The following BMPR2 variants were observed in gnomAD, a reference collection of about 807,000 sequenced individuals.
The protein encoded by BMPR2 is bone morphogenetic protein receptor type 2.
In BMPR2, 29 loss-of-function variants were observed where a neutral mutation model predicts 100.8. That is an observed-to-expected ratio of 0.29 (90% CI 0.21 to 0.39). The LOEUF is 0.39. Ranked by LOEUF, BMPR2 falls within the 10% of genes least tolerant of loss-of-function variation. The pLI, the probability that BMPR2 is intolerant of heterozygous loss-of-function variation, is 1.00. For missense variants in BMPR2, 1,011 were observed against 1,274.5 expected, an observed-to-expected ratio of 0.79 and a Z score of 3.15; for synonymous variants, 382 against 442.3, an observed-to-expected ratio of 0.86 and a Z score of 1.71.
At chr2:202,428,098 T>A (rs1043026890) in intron 1 of BMPR2, among the ~76,000 whole-genome samples, 5 of 152,180 alleles carry the variant, frequency 3.3e-5, no homozygotes, top group Non-Finnish European at 5.9e-5. Context: ...TGCAATTTCA[T>A]TTTTTTAATA....
chr2:202,413,124 A>G (rs184845469), intron 1 of BMPR2, among the ~76,000 whole-genome samples: 126 of 152,348 alleles, frequency 8.3e-4, no homozygotes, highest in African/African-American at 2.9e-3. Flanking sequence ...AAACAAGGCC[A>G]CATTCTGACT....
intron 1 of BMPR2, among the ~76,000 whole-genome samples, chr2:202,449,606 T>C (rs2105946437): frequency 6.6e-6 from 1 of 152,282 alleles, no homozygotes; most frequent in Admixed American, 6.5e-5. Flanking sequence ...AATAAAAACT[T>C]TGGACACTGA....
Position 202,484,984 on chromosome 2 carries a change from A to G in BMPR2, c.418+17295A>G, listed in dbSNP as rs574977836. On this transcript the variant is annotated intron_variant, in intron 3 of 12. Coordinates refer to ENST00000374580, the MANE Select transcript of BMPR2 (RefSeq NM_001204.7). ...ACTCCGTCTCAAAAAAAAAAAAAAA[A>G]AAAAGAAAGAAAGAAGAAAAAAAAT... Among the ~76,000 whole-genome samples, 903 of 150,198 alleles carry G rather than the reference A, an allele frequency of 6.0e-3. 13 individuals carry two copies. The highest frequency in any genetic ancestry group is 0.021 in the African/African-American group (840 of 40,878).
chr2:202,386,474 C>T (rs1646185118), intron 1 of BMPR2, among the ~76,000 whole-genome samples: 1 of 152,048 alleles, frequency 6.6e-6, no homozygotes, highest in South Asian at 2.1e-4. Context: ...CATTCTTATC[C>T]AATCTGATAG....
intron 3 of BMPR2, among the ~76,000 whole-genome samples, chr2:202,474,204 C>A (rs1043217415): frequency 1.3e-5 from 2 of 151,758 alleles, no homozygotes; most frequent in African/African-American, 4.8e-5. Context: ...ATCTATAATT[C>A]CAGCACTTTG....
intron 1 of BMPR2, 137 bp downstream of exon 1, chr2:202,377,687 G>A (rs1347938669): frequency 9.4e-6 from 9 of 956,480 alleles, no homozygotes; most frequent in Non-Finnish European, 1.4e-5. Context: ...GCGACCCGGT[G>A]CCTGCGCGCC....
At chr2:202,393,488 G>T (rs1690591858) in intron 1 of BMPR2, among the ~76,000 whole-genome samples, 1 of 152,014 alleles carries the variant, frequency 6.6e-6, no homozygotes. Context: ...GTAGGGACAG[G>T]TCTCGCCATG....
intron 3 of BMPR2, among the ~76,000 whole-genome samples, chr2:202,483,802 GT>G (rs888149915): frequency 6.8e-4 from 103 of 152,312 alleles, no homozygotes; most frequent in African/African-American, 2.4e-3. Context: ...TCAGGAATGT[GT>G]TCTTTTGACC....
intron 3 of BMPR2, chr2:202,469,474 T>G (rs1692392210): frequency 3.3e-6 from 1 of 307,574 alleles, no homozygotes. Flanking sequence ...AATTTTATTT[T>G]TATTTTATTT....
At chr2:202,418,773 A>G (rs1309832824) in intron 1 of BMPR2, among the ~76,000 whole-genome samples, 1 of 152,232 alleles carries the variant, frequency 6.6e-6, no homozygotes, top group Non-Finnish European at 1.5e-5. Flanking sequence ...AGCAGGCTTC[A>G]CAGAGAATAG....
intron 1 of BMPR2, among the ~76,000 whole-genome samples, chr2:202,384,125 T>G (rs1478203284): frequency 6.6e-6 from 1 of 152,152 alleles, no homozygotes. Context: ...TGAGCCAAGA[T>G]TGTGCCACTT....
chr2:202,400,411 A>G (rs1279892079), intron 1 of BMPR2, among the ~76,000 whole-genome samples: 1 of 151,948 alleles, frequency 6.6e-6, no homozygotes, highest in Non-Finnish European at 1.5e-5. Flanking sequence ...TTGGCCTCCA[A>G]AAGTTCTGGG....
intron 1 of BMPR2, among the ~76,000 whole-genome samples, chr2:202,421,736 TAAAAA>T (rs201785849): frequency 1.4e-5 from 2 of 141,750 alleles, no homozygotes; most frequent in African/African-American, 5.2e-5. Context: ...CTCTGCCCAT[TAAAAA>T]AAAAAAAAAG....
chr2:202,386,952 G>A (rs1171435439), intron 1 of BMPR2, among the ~76,000 whole-genome samples: 1 of 152,140 alleles, frequency 6.6e-6, no homozygotes. Flanking sequence ...CAAAGTGCTA[G>A]GATTACAGGT....
chr2:202,439,251 C>T (rs374759552), intron 1 of BMPR2, among the ~76,000 whole-genome samples: 1 of 149,624 alleles, frequency 6.7e-6, no homozygotes. Flanking sequence ...TTCTTAATTT[C>T]GCATTTGGAT....
intron 1 of BMPR2, among the ~76,000 whole-genome samples, chr2:202,448,628 T>C (rs1038800391): frequency 4.0e-5 from 6 of 151,008 alleles, no homozygotes; most frequent in African/African-American, 1.5e-4. Flanking sequence ...GGCTAATTTT[T>C]TGTATTTTTA....
At chr2:202,401,323 G>T (rs1428783130) in intron 1 of BMPR2, among the ~76,000 whole-genome samples, 2 of 152,166 alleles carry the variant, frequency 1.3e-5, no homozygotes, top group African/African-American at 4.8e-5. Context: ...TTTATCATTT[G>T]TATTAATAGA....
At chr2:202,518,127 C>CTTTTTTTTT (rs35869694) in intron 5 of BMPR2, among the ~76,000 whole-genome samples, 1 of 77,018 alleles carries the variant, frequency 1.3e-5, no homozygotes. Context: ...CGCCTGGCCT[C>CTTTTTTTTT]TTTTTTTTTT....
At chr2:202,409,045 A>C (rs1382342371) in intron 1 of BMPR2, among the ~76,000 whole-genome samples, 1 of 152,192 alleles carries the variant, frequency 6.6e-6, no homozygotes, top group African/African-American at 2.4e-5. Context: ...TTAAATGTTC[A>C]TCAAAACAGG....
Sources: allele counts gnomAD v4.1 joint callset (sites outside exome capture counted in the v4.1 genomes callset), GRCh38; gene constraint gnomAD v4.1.1; transcripts MANE v1.5; gene names NCBI Gene and HGNC (gene_info 2026-07-23, HGNC 2026-07-21).